ARHGAP29: variants seen among roughly 807,000 people sequenced by gnomAD.
ARHGAP29 encodes the protein Rho GTPase activating protein 29.
A neutral mutation model predicts 122.6 loss-of-function variants in ARHGAP29; 43 were observed. The ratio of observed to expected loss-of-function variants is 0.35; its 90% CI spans 0.27 to 0.45. The LOEUF (loss-of-function observed/expected upper bound fraction) is 0.45, where lower values mean the gene tolerates loss of function less well. Ranked by LOEUF, ARHGAP29 falls within the 20% of genes least tolerant of loss-of-function variation. ARHGAP29 has a pLI of 1.00. For synonymous variants in ARHGAP29, 506 were observed against 497.1 expected (o/e 1.02, Z -0.24); for missense variants, 1,303 against 1,477.2 (o/e 0.88, Z 1.93).
rs112436997 is a variant in ARHGAP29, at chr1:94,184,092, CA to C, written c.2247+58del. The C allele has an allele frequency of 2.1e-3, 3,305 of 1,549,574 alleles. 59 individuals carry two copies. In the African/African-American group the frequency reaches 0.041, roughly 19 times the overall value. On this transcript the variant is annotated intron_variant, in intron 19 of 22. Transcript: ENST00000260526. ...TGTAGCAAATGTTATCAGCAAAATA[CA>C]AATCATATTTTTGCTGTTTTTAATT...
intron 19 of ARHGAP29, among the ~76,000 whole-genome samples, chr1:94,182,718 G>A (rs903690999): frequency 6.6e-6 from 1 of 152,090 alleles, no homozygotes; most frequent in Non-Finnish European, 1.5e-5. Context: ...ATTCAAGAGA[G>A]TAGAATATAA....
intron 22 of ARHGAP29, among the ~76,000 whole-genome samples, chr1:94,175,737 C>G (rs1194905807): frequency 5.3e-5 from 8 of 152,126 alleles, no homozygotes; most frequent in Non-Finnish European, 8.8e-5. Flanking sequence ...CAGAGTCTCA[C>G]TCTGTCACCC....
chr1:94,197,738 C>T (rs569195201), intron 12 of ARHGAP29, among the ~76,000 whole-genome samples: 2 of 152,224 alleles, frequency 1.3e-5, no homozygotes, highest in South Asian at 4.1e-4. Context: ...TATTTACAGG[C>T]TAAAAACAAA....
intron 1 of ARHGAP29, among the ~76,000 whole-genome samples, chr1:94,262,795 T>C (rs1654614582): frequency 1.3e-5 from 2 of 152,200 alleles, no homozygotes; most frequent in African/African-American, 4.8e-5. Flanking sequence ...ACTTGTACAT[T>C]GTTGGTGGGA....
At chr1:94,206,553 AG>A (rs2101528868) in intron 5 of ARHGAP29, among the ~76,000 whole-genome samples, 1 of 152,286 alleles carries the variant, frequency 6.6e-6, no homozygotes, top group East Asian at 1.9e-4. Flanking sequence ...TTAAGAATTA[AG>A]ATGATGTAGG....
intron 2 of ARHGAP29, among the ~76,000 whole-genome samples, chr1:94,231,123 G>A (rs1338561691): frequency 6.6e-6 from 1 of 152,000 alleles, no homozygotes; most frequent in Non-Finnish European, 1.5e-5. Context: ...AAATTCCAAT[G>A]ATGTCAAATT....
At chr1:94,228,552 T>A (rs1032666905) in intron 2 of ARHGAP29, among the ~76,000 whole-genome samples, 2 of 151,748 alleles carry the variant, frequency 1.3e-5, no homozygotes, top group African/African-American at 4.8e-5. Context: ...AACCAAACCA[T>A]ATAACCTGGC....
At chr1:94,198,010 T>G (rs1650579416) in intron 12 of ARHGAP29, among the ~76,000 whole-genome samples, 1 of 151,940 alleles carries the variant, frequency 6.6e-6, no homozygotes, top group Admixed American at 6.6e-5. Flanking sequence ...GAAAAAGAAA[T>G]AAAAGGAATA....
intron 1 of ARHGAP29, among the ~76,000 whole-genome samples, chr1:94,274,300 A>G (rs775413163): frequency 1.3e-5 from 2 of 152,258 alleles, no homozygotes; most frequent in Non-Finnish European, 2.9e-5. Context: ...ACTGTGGTCC[A>G]GTAAGACTTA....
At chr1:94,311,944 C>G in the ARHGAP29 span, among the ~76,000 whole-genome samples, 2 of 152,290 alleles carry the variant, frequency 1.3e-5, no homozygotes, top group East Asian at 3.9e-4. Context: ...AATGACCTTG[C>G]TCTTACCATC....
At chr1:94,231,351 A>G in intron 2 of ARHGAP29, 56 bp downstream of exon 2, 3 of 1,448,476 alleles carry the variant, frequency 2.1e-6, no homozygotes, top group Non-Finnish European at 2.9e-6. Flanking sequence ...CTGCTAGGCC[A>G]GCATTTAAAA....
At chr1:94,184,834 C>G (rs752784341) in intron 18 of ARHGAP29, 38 bp downstream of exon 18, 1 of 1,456,368 alleles carries the variant, frequency 6.9e-7, no homozygotes, top group Non-Finnish European at 9.3e-7. Context: ...GTTACACAGG[C>G]ATTTATGCTT....
Position 94,202,940 on chromosome 1 carries a change from C to T in ARHGAP29, c.932G>A (p.Trp311Ter). 1 of 1,607,684 alleles carries T rather than the reference C, an allele frequency of 6.2e-7. No individual in the cohort carries two copies. The highest frequency in any genetic ancestry group is 1.3e-5 in the African/African-American group (1 of 74,512). The part of the protein sequence containing the change: ...EKQRKEIKEL[W>*]KQEQNKMLEA... Reference sequence around the variant, plus strand: ...AACCATTTTATTTTGCTCCTGTTTCCAAAGCTCTTTTATTTCTTTCCTTTG... The same window carrying T: ...AACCATTTTATTTTGCTCCTGTTTCTAAAGCTCTTTTATTTCTTTCCTTTG... The change falls in exon 10 of 23, where the codon TGG becomes TAG. Residue 311 changes from tryptophan (W) to a stop codon, truncating the protein, a stop_gained. Coordinates refer to ENST00000260526, the MANE Select transcript of ARHGAP29 (RefSeq NM_004815.4). LOFTEE classifies it high-confidence loss of function.
intron 1 of ARHGAP29, among the ~76,000 whole-genome samples, chr1:94,243,979 A>T (rs1317439164): frequency 6.6e-6 from 1 of 152,030 alleles, no homozygotes; most frequent in Non-Finnish European, 1.5e-5. Flanking sequence ...CTGACACAAG[A>T]AACAGAAAAT....
At chr1:94,294,395 C>T in the ARHGAP29 span, among the ~76,000 whole-genome samples, 1 of 152,108 alleles carries the variant, frequency 6.6e-6, no homozygotes, top group African/African-American at 2.4e-5. Context: ...CCTCCATCTC[C>T]CAGGCTCAAG....
At chr1:94,256,184 C>T (rs909161659) in intron 1 of ARHGAP29, among the ~76,000 whole-genome samples, 26 of 152,178 alleles carry the variant, frequency 1.7e-4, no homozygotes, top group African/African-American at 5.3e-4. Context: ...GGACTCTCTC[C>T]GACATACCCA....
At chr1:94,207,875 G>C (rs1404566101) in intron 5 of ARHGAP29, among the ~76,000 whole-genome samples, 2 of 151,488 alleles carry the variant, frequency 1.3e-5, no homozygotes, top group Non-Finnish European at 2.9e-5. Context: ...TTTAGAGACA[G>C]AGTCGCACTG....
chr1:94,253,375 A>G (rs1410276039), intron 1 of ARHGAP29, among the ~76,000 whole-genome samples: 19 of 152,094 alleles, frequency 1.2e-4, no homozygotes, highest in Admixed American at 1.2e-3. Flanking sequence ...TTTCTACACT[A>G]ATGTTTTAAA....
chr1:94,204,938 G>T, intron 7 of ARHGAP29, 123 bp downstream of exon 7: 1 of 985,142 alleles, frequency 1.0e-6, no homozygotes. Context: ...CTGGATAATG[G>T]TTTTATTCAT....
Sources: allele counts gnomAD v4.1 joint callset (sites outside exome capture counted in the v4.1 genomes callset), GRCh38; gene constraint gnomAD v4.1.1; transcripts MANE v1.5; gene names NCBI Gene and HGNC (gene_info 2026-07-23, HGNC 2026-07-21).